Variants in ATP10A observed in about 807,000 individuals in gnomAD.
The protein encoded by ATP10A is ATPase phospholipid transporting 10A (putative), also known as phospholipid-transporting ATPase VA.
ATP10A carries 111 observed loss-of-function variants against 147.8 expected under a neutral mutation model. The ratio of observed to expected loss-of-function variants is 0.75; its 90% CI spans 0.64 to 0.88. The LOEUF (loss-of-function observed/expected upper bound fraction) is 0.88. Among genes scored for constraint, ATP10A ranks in the 40% least tolerant of loss-of-function variants. The pLI, the probability that ATP10A is intolerant of heterozygous loss-of-function variation, is 0.00. For synonymous variants in ATP10A, 875 were observed against 841.6 expected (o/e 1.04, Z -0.69); for missense variants, 1,927 against 1,959.0 (o/e 0.98, Z 0.31).
chr15:25,764,432 G>C (rs866143939), intron 2 of ATP10A, among the ~76,000 whole-genome samples: 16 of 152,186 alleles, frequency 1.1e-4, no homozygotes, highest in African/African-American at 3.6e-4. Context: ...GTGGGTCCTT[G>C]GGAGGTGATT....
At chr15:25,742,418 G>T (rs756017906) in intron 2 of ATP10A, among the ~76,000 whole-genome samples, 21 of 152,230 alleles carry the variant, frequency 1.4e-4, no homozygotes, top group Non-Finnish European at 2.5e-4. Flanking sequence ...TTTCTGAGCA[G>T]AAAGGCAGCT....
rs531060095 is a variant in ATP10A, at chr15:25,740,986, C to G, written c.655-4845G>C. ...CTTCCTCTGTCTTGCCATCCTACAGCATCAGGCGAAGTGCCCTTCATTTAG... is the reference window on the plus strand; with the variant it reads ...CTTCCTCTGTCTTGCCATCCTACAGGATCAGGCGAAGTGCCCTTCATTTAG... On this transcript the variant is annotated intron_variant, in intron 2 of 20. Transcript: ENST00000555815. Among the ~76,000 whole-genome samples the G allele has an allele frequency of 1.2e-4, 18 of 152,344 alleles. No homozygotes were observed. The South Asian group carries it at 3.7e-3, about 32-fold the overall frequency.
Position 25,718,428 on chromosome 15 carries a change from T to A in ATP10A, c.1364-29A>T, listed in dbSNP as rs754612440. On this transcript the variant is annotated intron_variant, in intron 7 of 20. Coordinates refer to ENST00000555815, the MANE Select transcript of ATP10A (RefSeq NM_024490.4). ...CGGGGAGAGGGCGCAGGGTGAGGCA[T>A]CATGGGGGAAGGCTGGGCGGAGCAG... is the stretch of plus-strand genomic sequence containing the variant. The A allele has an allele frequency of 2.9e-5, 45 of 1,561,890 alleles. No homozygotes were observed. In the Admixed American group the frequency reaches 8.2e-4, roughly 28 times the overall value.
intron 1 of ATP10A, chr15:25,848,853 T>C (rs1893151053): frequency 6.5e-6 from 1 of 153,652 alleles, no homozygotes; most frequent in Non-Finnish European, 1.5e-5. Flanking sequence ...GGGAGGGCAG[T>C]AGCTCCAGGG....
intron 2 of ATP10A, among the ~76,000 whole-genome samples, chr15:25,774,625 T>C (rs1011758442): frequency 6.6e-6 from 1 of 151,324 alleles, no homozygotes; most frequent in East Asian, 1.9e-4. Context: ...CTGCACTCTC[T>C]GTACATGGTG....
intron 1 of ATP10A, among the ~76,000 whole-genome samples, chr15:25,791,151 A>G (rs1192953426): frequency 7.4e-6 from 1 of 135,638 alleles, no homozygotes; most frequent in East Asian, 2.2e-4. Flanking sequence ...CACGATCTCG[A>G]CTCACTGCAA....
intron 2 of ATP10A, among the ~76,000 whole-genome samples, chr15:25,751,213 C>T (rs1008035261): frequency 6.6e-6 from 1 of 151,988 alleles, no homozygotes; most frequent in African/African-American, 2.4e-5. Flanking sequence ...GAGAATATTG[C>T]CAGGGATTTA....
chr15:25,674,285 C>T (rs1899096207), downstream of ATP10A, among the ~76,000 whole-genome samples: 1 of 152,220 alleles, frequency 6.6e-6, no homozygotes, highest in South Asian at 2.1e-4. Flanking sequence ...CCATGGCAGC[C>T]TCTTGTACCC....
At chr15:25,677,210 A>C (rs532751466), downstream of ATP10A, 1 of 152,218 alleles carries the variant, frequency 6.6e-6, no homozygotes, top group South Asian at 2.1e-4. Context: ...TATTTCACCT[A>C]CTGCTTTTTT....
intron 1 of ATP10A, among the ~76,000 whole-genome samples, chr15:25,857,560 G>A (rs976237143): frequency 6.6e-6 from 1 of 152,198 alleles, no homozygotes; most frequent in Non-Finnish European, 1.5e-5. Context: ...ACGTCATGAT[G>A]TCTGGAGTTT....
chr15:25,812,588 C>A (rs1891480241), intron 1 of ATP10A, among the ~76,000 whole-genome samples: 1 of 152,152 alleles, frequency 6.6e-6, no homozygotes, highest in Non-Finnish European at 1.5e-5. Context: ...ATCGACCTGA[C>A]TTAAACACAA....
intron 1 of ATP10A, among the ~76,000 whole-genome samples, chr15:25,839,693 T>A (rs1022179082): frequency 6.6e-6 from 1 of 152,192 alleles, no homozygotes; most frequent in African/African-American, 2.4e-5. Flanking sequence ...TTATGCTGAC[T>A]CCTTACCATT....
At chr15:25,832,088 C>G (rs1181553522) in intron 1 of ATP10A, among the ~76,000 whole-genome samples, 1 of 152,112 alleles carries the variant, frequency 6.6e-6, no homozygotes, top group Non-Finnish European at 1.5e-5. Context: ...ACAGAGAAGA[C>G]AGCCATGTGA....
intron 1 of ATP10A, among the ~76,000 whole-genome samples, chr15:25,812,085 C>T (rs762296686): frequency 1.1e-4 from 16 of 152,222 alleles, no homozygotes; most frequent in African/African-American, 7.2e-5. Flanking sequence ...ACGTTTATAG[C>T]GGCAAAGATG....
intron 1 of ATP10A, among the ~76,000 whole-genome samples, chr15:25,857,377 A>G (rs1893562558): frequency 6.6e-6 from 1 of 152,172 alleles, no homozygotes; most frequent in African/African-American, 2.4e-5. Flanking sequence ...AGGCCAAGAG[A>G]TGGAAGCTGC....
At chr15:25,861,605 G>T (rs943678216) in intron 1 of ATP10A, among the ~76,000 whole-genome samples, 2 of 152,154 alleles carry the variant, frequency 1.3e-5, no homozygotes, top group Admixed American at 6.5e-5. Flanking sequence ...TCTTTTAGGG[G>T]AACAATCTGC....
At chr15:25,825,069 T>A (rs6420961) in intron 1 of ATP10A, among the ~76,000 whole-genome samples, 142,343 of 152,224 alleles carry the variant, frequency 0.94, 67,052 homozygotes, top group Non-Finnish European at 1. Context: ...AGGGCAAAAT[T>A]CGAGGTTGGA....
intron 2 of ATP10A, among the ~76,000 whole-genome samples, chr15:25,772,452 T>C (rs982697652): frequency 3.9e-5 from 6 of 152,108 alleles, no homozygotes; most frequent in Non-Finnish European, 7.4e-5. Flanking sequence ...GCAGGCTCAC[T>C]GGGCCGAGAT....
intron 1 of ATP10A, among the ~76,000 whole-genome samples, chr15:25,788,225 A>G (rs1890258585): frequency 6.6e-6 from 1 of 152,194 alleles, no homozygotes; most frequent in African/African-American, 2.4e-5. Context: ...TCAATAATTA[A>G]CGAGGGTGCT....
Sources: allele counts gnomAD v4.1 joint callset (sites outside exome capture counted in the v4.1 genomes callset), GRCh38; gene constraint gnomAD v4.1.1; transcripts MANE v1.5; gene names NCBI Gene and HGNC (gene_info 2026-07-23, HGNC 2026-07-21).